The following PCNX1 variants were observed in gnomAD, a reference collection of about 807,000 sequenced individuals.
PCNX1 encodes the protein pecanex-like protein 1.
Under a neutral mutation model 242.2 loss-of-function variants are expected in PCNX1, and 78 were observed. That is an observed-to-expected ratio of 0.32 (90% CI 0.27 to 0.39). The LOEUF is 0.39. Ranked by LOEUF, PCNX1 falls within the 10% of genes least tolerant of loss-of-function variation. The pLI, the probability that PCNX1 is intolerant of heterozygous loss-of-function variation, is 1.00. For synonymous variants in PCNX1, 1,024 were observed against 1,032.9 expected (o/e 0.99, Z 0.17); for missense variants, 2,581 against 2,856.5 (o/e 0.90, Z 2.20).
chr14:71,057,955 A>G lies in PCNX1; in HGVS notation c.4852+231A>G, dbSNP rs79001977. On this transcript the variant is annotated intron_variant, in intron 26 of 35. Coordinates refer to ENST00000304743, the MANE Select transcript of PCNX1 (RefSeq NM_014982.3). ...GTAAAGGTAGTAGCATTAGTGTGTA[A>G]TTGATTTGTTTTCCTAGATATGTTG... Among the ~76,000 whole-genome samples the G allele has an allele frequency of 3.3e-3, 499 of 152,224 alleles. 2 individuals are homozygous for G. The highest frequency in any genetic ancestry group is 6.2e-3 in the Non-Finnish European group (424 of 68,006).
chr14:71,071,225 T>TCAAA (rs1289472380), intron 26 of PCNX1, among the ~76,000 whole-genome samples: 2 of 152,246 alleles, frequency 1.3e-5, no homozygotes, highest in African/African-American at 4.8e-5. Flanking sequence ...TCCAGACCAC[T>TCAAA]CAAACATTCT....
chr14:70,921,481 T>A (rs2056372254), intron 1 of PCNX1, among the ~76,000 whole-genome samples: 2 of 152,136 alleles, frequency 1.3e-5, no homozygotes, highest in African/African-American at 4.8e-5. Flanking sequence ...GATCTGCCTA[T>A]GTTGCCCAGG....
chr14:70,917,784 C>T (rs1250286193), intron 1 of PCNX1, among the ~76,000 whole-genome samples: 3 of 152,180 alleles, frequency 2.0e-5, no homozygotes. Context: ...GCTTTAAAGC[C>T]AGATATTGAC....
At chr14:71,015,665 A>G (rs2059943511) in intron 11 of PCNX1, among the ~76,000 whole-genome samples, 1 of 152,164 alleles carries the variant, frequency 6.6e-6, no homozygotes. Context: ...ACCAAAACCT[A>G]CTGTAAGGCA....
intron 11 of PCNX1, among the ~76,000 whole-genome samples, chr14:71,014,437 C>T (rs1193676090): frequency 1.3e-5 from 2 of 152,124 alleles, no homozygotes; most frequent in Non-Finnish European, 2.9e-5. Context: ...CAAACTGTAG[C>T]TTAAATAGAT....
Position 70,966,773 on chromosome 14 carries a change from G to T in PCNX1, c.469-1425G>T, listed in dbSNP as rs377003286. ...TTCCTAGATGGGTATGCATAAAATG[G>T]TGTTTTTGTTTTCTTGTTTGTTTTT... On this transcript the variant is annotated intron_variant, in intron 3 of 35. Transcript: ENST00000304743. Among the ~76,000 whole-genome samples, 548 of 152,192 alleles carry T rather than the reference G, an allele frequency of 3.6e-3. 1 individual carries two copies. The highest frequency in any genetic ancestry group is 0.013 in the African/African-American group (531 of 41,504).
intron 27 of PCNX1, 64 bp downstream of exon 27, chr14:71,073,862 T>G: frequency 4.1e-6 from 5 of 1,210,440 alleles, no homozygotes; most frequent in Non-Finnish European, 5.7e-6. Context: ...ATGACATATA[T>G]AAGTATATAT....
Position 71,019,004 on chromosome 14 carries a change from C to T in PCNX1, c.2997-5C>T, listed in dbSNP as rs368160555. 6.2e-6 allele frequency: 10 copies of T among 1,606,044 alleles called. No individual in the cohort carries two copies. The highest frequency in any genetic ancestry group is 1.7e-5 in the Admixed American group (1 of 58,952). On this transcript the variant is annotated splice_polypyrimidine_tract_variant and splice_region_variant and intron_variant, in intron 11 of 35. Coordinates refer to ENST00000304743, the MANE Select transcript of PCNX1 (RefSeq NM_014982.3). ...ATACTTACCCATAAGTTTTTCTGTCCGTAGAAATCGTGAGATCCTGGAAAA... is the reference window on the plus strand; with the variant it reads ...ATACTTACCCATAAGTTTTTCTGTCTGTAGAAATCGTGAGATCCTGGAAAA...
intron 26 of PCNX1, among the ~76,000 whole-genome samples, chr14:71,067,698 A>C (rs2061483355): frequency 6.6e-6 from 1 of 152,024 alleles, no homozygotes; most frequent in Non-Finnish European, 1.5e-5. Flanking sequence ...TTGTGATGTT[A>C]GGGTGTTGAT....
At chr14:71,071,265 CT>C (rs2061579872) in intron 26 of PCNX1, among the ~76,000 whole-genome samples, 1 of 152,054 alleles carries the variant, frequency 6.6e-6, no homozygotes. Flanking sequence ...TTTTTGCTTT[CT>C]TATCTTTTGT....
Position 71,089,259 on chromosome 14 carries a change from C to T in PCNX1, c.5506C>T (p.Arg1836Ter), listed in dbSNP as rs975081302. ...FKGDFRISSI[R>*]DEWIFADMEL... is the part of the protein sequence containing the mutation. ...AGGAGATTTCCGTATTTCTTCAATTCGAGATGAATGGATCTTTGCTGACAT... is the reference window on the plus strand; with the variant it reads ...AGGAGATTTCCGTATTTCTTCAATTTGAGATGAATGGATCTTTGCTGACAT... Residue 1836 changes from arginine to a stop codon, truncating the protein, a stop_gained, in exon 30 of 36, where the codon CGA (arginine) becomes TGA (stop). Coordinates refer to ENST00000304743, the MANE Select transcript of PCNX1 (RefSeq NM_014982.3). LOFTEE classifies it high-confidence loss of function. The T allele has an allele frequency of 6.2e-7, 1 of 1,610,696 alleles. No homozygotes were observed.
Position 71,108,969 on chromosome 14 carries a change from G to A in PCNX1, c.6667G>A (p.Asp2223Asn), listed in dbSNP as rs1256413776. The change falls in exon 34 of 36, where the codon GAT (aspartate) becomes AAT (asparagine). Residue 2223 changes from aspartate (D) to asparagine (N), a missense_variant. Transcript: ENST00000304743. ...AGAGGGAGGTCAGAGCAGTGCCACT[G>A]ATGCACAGCCAGGCAACACCTTAAG... ...ATEGGQSSAT[D>N]AQPGNTLSPA... is the part of the protein sequence containing the mutation. 6.2e-7 allele frequency: 1 copy of A among 1,614,112 alleles called. No individual in the cohort carries two copies. The highest frequency in any genetic ancestry group is 8.5e-7 in the Non-Finnish European group (1 of 1,180,044).
intron 2 of PCNX1, 121 bp downstream of exon 2, chr14:70,947,244 C>T: frequency 1.4e-6 from 1 of 710,532 alleles, no homozygotes; most frequent in East Asian, 2.7e-5. Flanking sequence ...TTAGATCTTA[C>T]CACTGTAGAT....
chr14:71,050,454 G>A (rs2060995085), intron 22 of PCNX1, among the ~76,000 whole-genome samples, 198 bp from the exon 23 acceptor site: 1 of 152,004 alleles, frequency 6.6e-6, no homozygotes, highest in Non-Finnish European at 1.5e-5. Flanking sequence ...TACTTATAAA[G>A]TATCTTTACT....
At position 70,947,121 on chromosome 14, in the gene PCNX1, G is replaced by A. The variant is rs369802771; in HGVS notation, c.360G>A (p.Pro120=). 12 of 1,601,564 alleles carry A rather than the reference G, an allele frequency of 7.5e-6. No homozygotes were observed. Among genetic ancestry groups the A allele is most frequent in the East Asian group, 4.5e-5 (2 of 44,686 alleles). The stretch of plus-strand genomic sequence containing the variant: ...CCAGGAGAAAAGACAGCAATGGACC[G>A]AGGTAAGGAAACCTATGTCATTGAT... ...CSTRRKDSNG[P]SDPGGGIEMS... Residue 120 remains proline (P), a splice_region_variant and synonymous_variant, in exon 2 of 36, where the codon CCG becomes CCA. Transcript: ENST00000304743.
chr14:71,073,617 G>A lies in PCNX1; in HGVS notation c.4925G>A (p.Cys1642Tyr). The A allele has an allele frequency of 6.2e-7, 1 of 1,614,000 alleles. No homozygotes were observed. Among genetic ancestry groups the A allele is most frequent in the Non-Finnish European group, 8.5e-7 (1 of 1,179,944 alleles). ...GVEEDEGFCCCEPGHIPHMLS... is the reference protein window; with the variant it reads ...GVEEDEGFCCYEPGHIPHMLS... ...GAGGAAGATGAAGGATTTTGCTGTT[G>A]TGAACCTGGCCATATTCCTCACATG... Residue 1642 changes from cysteine (C) to tyrosine (Y), a missense_variant, in exon 27 of 36, where the codon TGT (cysteine) becomes TAT (tyrosine). Physicochemically the swap from Cys to Tyr is radical, Grantham distance 194. This residue lies in a region of PCNX1 where 298 missense variants were observed against 480.1 expected (regional missense o/e 0.62). Transcript: ENST00000304743.
chr14:71,005,383 C>G (rs909075607), intron 8 of PCNX1, among the ~76,000 whole-genome samples: 1 of 152,056 alleles, frequency 6.6e-6, no homozygotes, highest in Non-Finnish European at 1.5e-5. Flanking sequence ...TGGCGTGTGC[C>G]TGCAGCCCCA....
At chr14:71,101,703 C>G (rs1366300694) in intron 30 of PCNX1, among the ~76,000 whole-genome samples, 1 of 151,752 alleles carries the variant, frequency 6.6e-6, no homozygotes, top group Non-Finnish European at 1.5e-5. Flanking sequence ...ATATGAAAAA[C>G]CAACTTGAAA....
chr14:70,951,298 A>G (rs2057768001), intron 2 of PCNX1, among the ~76,000 whole-genome samples: 1 of 152,024 alleles, frequency 6.6e-6, no homozygotes, highest in African/African-American at 2.4e-5. Flanking sequence ...TGGCTTTATA[A>G]TATGTTTAAT....
Sources: gnomAD v4.1 joint callset for allele counts (sites outside exome capture counted in the v4.1 genomes callset) on GRCh38, gnomAD v4.1.1 for gene constraint, gnomAD v4.1.1 regional missense constraint, MANE v1.5 for transcripts, NCBI Gene and HGNC (gene_info 2026-07-23, HGNC 2026-07-21) for gene names.